The following ACO1 variants were observed in gnomAD, a reference collection of about 807,000 sequenced individuals.
ACO1 encodes the protein cytoplasmic aconitate hydratase.
In ACO1, 78 loss-of-function variants were observed where a neutral mutation model predicts 105.1. The observed-to-expected ratio is 0.74, with a 90% CI of 0.62 to 0.90. ACO1 has a LOEUF of 0.90. ACO1 is among the 40% of genes least tolerant of loss of function. The pLI is 0.00. For synonymous variants in ACO1, 364 were observed against 397.4 expected (o/e 0.92, Z 1.00); for missense variants, 965 against 1,111.1 (o/e 0.87, Z 1.87).
At chr9:32,398,305 G>T (rs1038258984) in intron 1 of ACO1, among the ~76,000 whole-genome samples, 1 of 152,162 alleles carries the variant, frequency 6.6e-6, no homozygotes, top group Non-Finnish European at 1.5e-5. Context: ...TTGGCATTTA[G>T]CTTAAAGTAA....
Position 32,433,709 on chromosome 9 carries a change from C to CT in ACO1, c.1852-16dup. ...TGGAATGGGATGTGATTAGATCTGC[C>CT]TTTCTTTTCTTTTTTAAGACTGTGA... On this transcript the variant is annotated intron_variant, in intron 15 of 20. Transcript: ENST00000309951. 1 of 1,572,794 alleles carries CT rather than the reference C, an allele frequency of 6.4e-7. No individual in the cohort carries two copies. The highest frequency in any genetic ancestry group is 8.6e-7 in the Non-Finnish European group (1 of 1,158,916).
At chr9:32,447,292 CTTATTGCT>C (rs1305806764) in intron 19 of ACO1, among the ~76,000 whole-genome samples, 1 of 152,070 alleles carries the variant, frequency 6.6e-6, no homozygotes, top group Non-Finnish European at 1.5e-5. Context: ...CTAATCTTTT[CTTATTGCT>C]TTATTTCATT....
intron 2 of ACO1, 66 bp downstream of exon 2, chr9:32,405,669 T>A: frequency 8.3e-7 from 1 of 1,198,368 alleles, no homozygotes; most frequent in Non-Finnish European, 1.2e-6. Context: ...TGTAATTAAT[T>A]ACACTTGAGG....
At position 32,431,839 on chromosome 9, in the gene ACO1, T is replaced by C. The variant is rs1822246383; in HGVS notation, c.1847T>C (p.Ile616Thr). ...PGMFKEVYQK[I>T]ETVNESWNAL... ...ATGTTTAAGGAAGTCTATCAGAAAA[T>C]AGAGGTGAGGTCCCACACTGCCCTC... The change falls in exon 15 of 21, where the codon ATA becomes ACA. Residue 616 changes from isoleucine (I) to threonine (T), a missense_variant. Ile to Thr is a moderately conservative substitution (Grantham distance 89, BLOSUM62 -1). Transcript: ENST00000309951. 1.9e-6 allele frequency: 3 copies of C among 1,613,822 alleles called. No homozygotes were observed. The highest frequency in any genetic ancestry group is 2.2e-5 in the East Asian group (1 of 44,872).
chr9:32,437,561 C>G (rs1438452954), intron 18 of ACO1, among the ~76,000 whole-genome samples: 1 of 151,962 alleles, frequency 6.6e-6, no homozygotes, highest in East Asian at 1.9e-4. Flanking sequence ...ATTGGGGGAC[C>G]CCTAATAAAC....
rs780739416 is a variant in ACO1 at position 32,408,544 on chromosome 9, A to G, written c.297A>G (p.Ala99=). ...TGVPAVVDFA[A]MRDAVKKLGG... is the part of the protein sequence containing the mutation. ...TGCCCGCTGTGGTTGACTTTGCTGC[A>G]ATGCGTGATGCTGTGAAAAAGTTAG... Residue 99 remains alanine (A), a synonymous_variant, in exon 4 of 21, where the codon GCA becomes GCG. Coordinates refer to ENST00000309951, the MANE Select transcript of ACO1 (RefSeq NM_002197.3). 5 of 1,614,160 alleles carry G rather than the reference A, an allele frequency of 3.1e-6. No individual in the cohort carries two copies. Among genetic ancestry groups the G allele is most frequent in the Non-Finnish European group, 3.4e-6 (4 of 1,180,030 alleles).
intron 19 of ACO1, 82 bp from the exon 20 acceptor site, chr9:32,448,814 C>A: frequency 6.7e-7 from 1 of 1,485,150 alleles, no homozygotes; most frequent in Non-Finnish European, 9.4e-7. Context: ...ATCATGCCAG[C>A]TCTCTCACAA....
At chr9:32,391,130 G>C (rs988070309) in intron 1 of ACO1, among the ~76,000 whole-genome samples, 2 of 152,224 alleles carry the variant, frequency 1.3e-5, no homozygotes, top group African/African-American at 4.8e-5. Context: ...AGAATATGCA[G>C]TGCTTTCGTG....
intron 4 of ACO1, among the ~76,000 whole-genome samples, chr9:32,410,734 A>G (rs534696016): frequency 4.4e-4 from 64 of 145,458 alleles, no homozygotes; most frequent in African/African-American, 1.5e-3. Context: ...GAAGATTTCA[A>G]TGTAGAGATG....
chr9:32,404,331 C>G (rs1453253110), intron 1 of ACO1, among the ~76,000 whole-genome samples: 1 of 152,196 alleles, frequency 6.6e-6, no homozygotes, highest in Non-Finnish European at 1.5e-5. Flanking sequence ...TTTAATCCCT[C>G]CGCCCCTTTT....
At chr9:32,427,814 TA>T (rs1273818732) in intron 12 of ACO1, among the ~76,000 whole-genome samples, 1 of 152,260 alleles carries the variant, frequency 6.6e-6, no homozygotes, top group Non-Finnish European at 1.5e-5. Context: ...AGCTTACTTT[TA>T]TTTTACAAAC....
chr9:32,387,354 G>A (rs574332929), intron 1 of ACO1, among the ~76,000 whole-genome samples: 4 of 152,294 alleles, frequency 2.6e-5, no homozygotes, highest in South Asian at 2.1e-4. Context: ...TCCTAACTCC[G>A]TGTTCAGTGG....
chr9:32,393,883 A>G (rs1230375843), intron 1 of ACO1, among the ~76,000 whole-genome samples: 1 of 152,096 alleles, frequency 6.6e-6, no homozygotes, highest in African/African-American at 2.4e-5. Flanking sequence ...TAACACCGTA[A>G]CCTGCCTCCC....
At chr9:32,422,764 ATTTCCT>A (rs1354662373) in intron 8 of ACO1, among the ~76,000 whole-genome samples, 1 of 152,198 alleles carries the variant, frequency 6.6e-6, no homozygotes, top group East Asian at 1.9e-4. Context: ...TTGAGCCGCC[ATTTCCT>A]TATCCATAAA....
chr9:32,412,158 G>A (rs1008542696), intron 4 of ACO1, among the ~76,000 whole-genome samples: 1 of 152,082 alleles, frequency 6.6e-6, no homozygotes, highest in Non-Finnish European at 1.5e-5. Context: ...ATTAAATTAC[G>A]GTATACCCCT....
intron 1 of ACO1, among the ~76,000 whole-genome samples, chr9:32,404,059 G>A (rs1320301399): frequency 6.6e-6 from 1 of 152,038 alleles, no homozygotes; most frequent in East Asian, 1.9e-4. Context: ...AGATAAGCTA[G>A]CAGGTTTCTT....
rs146165528 is a variant in ACO1, at chr9:32,423,344, T to C, written c.996T>C (p.Tyr332=). Residue 332 remains tyrosine, a synonymous_variant, in exon 9 of 21, where the codon TAT becomes TAC. Coordinates refer to ENST00000309951, the MANE Select transcript of ACO1 (RefSeq NM_002197.3). ...QTGRDEEKLK[Y]IKKYLQAVGM... ...GTCGTGATGAAGAAAAATTAAAGTA[T>C]ATTAAAAAATATCTTCAGGCTGTAG... The C allele has an allele frequency of 5.6e-6, 9 of 1,595,488 alleles. No individual in the cohort carries two copies. The African/African-American group carries it at 1.1e-4, about 19-fold the overall frequency.
chr9:32,398,788 T>C (rs976765119), intron 1 of ACO1, among the ~76,000 whole-genome samples: 2 of 151,950 alleles, frequency 1.3e-5, no homozygotes, highest in African/African-American at 4.8e-5. Context: ...AGAGACATGG[T>C]CTCGCTATGT....
chr9:32,430,802 A>G (rs1053305798), intron 14 of ACO1, among the ~76,000 whole-genome samples: 3 of 152,216 alleles, frequency 2.0e-5, no homozygotes, highest in African/African-American at 7.2e-5. Flanking sequence ...TGCCAAAAGG[A>G]ATAGACATCT....
Sources: gnomAD v4.1 joint callset for allele counts (sites outside exome capture counted in the v4.1 genomes callset) on GRCh38, gnomAD v4.1.1 for gene constraint, MANE v1.5 for transcripts, NCBI Gene and HGNC (gene_info 2026-07-23, HGNC 2026-07-21) for gene names.